GRIA4: variants seen among roughly 807,000 people sequenced by gnomAD.
GRIA4 encodes glutamate ionotropic receptor AMPA type subunit 4.
GRIA4 carries 34 observed loss-of-function variants against 104.0 expected under a neutral mutation model. That is an observed-to-expected ratio of 0.33 (90% CI 0.25 to 0.44). The LOEUF (loss-of-function observed/expected upper bound fraction) is 0.44, where lower values mean the gene tolerates loss of function less well. Ranked by LOEUF, GRIA4 falls within the 20% of genes least tolerant of loss-of-function variation. The pLI is 1.00. For synonymous variants in GRIA4, 386 were observed against 381.9 expected, an observed-to-expected ratio of 1.01 and a Z score of -0.13; for missense variants, 750 against 1,096.5, an observed-to-expected ratio of 0.68 and a Z score of 4.46.
chr11:105,724,219 T>C lies in GRIA4; in HGVS notation c.248-28762T>C, dbSNP rs140655843. ...CTTTTTTATATCATTATATAAATGA[T>C]ATGCACTAATAAGTTTATTGCAGTG... On this transcript the variant is annotated intron_variant, in intron 3 of 16. Coordinates refer to ENST00000282499, the MANE Select transcript of GRIA4 (RefSeq NM_000829.4). Among the ~76,000 whole-genome samples, 380 of 152,176 alleles carry C rather than the reference T, an allele frequency of 2.5e-3. 2 individuals carry two copies. Among genetic ancestry groups the C allele is most frequent in the African/African-American group, 8.4e-3 (349 of 41,554 alleles).
At chr11:105,695,268 G>A (rs1378894712) in intron 3 of GRIA4, among the ~76,000 whole-genome samples, 1 of 152,146 alleles carries the variant, frequency 6.6e-6, no homozygotes, top group South Asian at 2.1e-4. Context: ...GTGTTTGAGA[G>A]GTCCTATTAC....
At chr11:105,733,913 A>G (rs1938762700) in intron 3 of GRIA4, among the ~76,000 whole-genome samples, 1 of 151,178 alleles carries the variant, frequency 6.6e-6, no homozygotes, top group African/African-American at 2.4e-5. Flanking sequence ...TTACTTTACT[A>G]GCTTCACTGG....
At chr11:105,871,399 A>C (rs1370235155) in intron 5 of GRIA4, among the ~76,000 whole-genome samples, 1 of 151,774 alleles carries the variant, frequency 6.6e-6, no homozygotes, top group Admixed American at 6.6e-5. Flanking sequence ...CAAAAATTAC[A>C]TACCCACAGC....
intron 3 of GRIA4, among the ~76,000 whole-genome samples, chr11:105,646,370 A>C (rs1591494750): frequency 6.6e-6 from 1 of 152,116 alleles, no homozygotes; most frequent in East Asian, 1.9e-4. Context: ...AGAATGGAGG[A>C]TTGCTTGAGC....
At chr11:105,689,367 T>C (rs1382141992) in intron 3 of GRIA4, among the ~76,000 whole-genome samples, 1 of 152,224 alleles carries the variant, frequency 6.6e-6, no homozygotes, top group Admixed American at 6.5e-5. Flanking sequence ...TAAGGCTTTG[T>C]GCCTTAGTGA....
intron 3 of GRIA4, among the ~76,000 whole-genome samples, chr11:105,749,890 G>A (rs1939893987): frequency 6.6e-6 from 1 of 152,058 alleles, no homozygotes; most frequent in Non-Finnish European, 1.5e-5. Flanking sequence ...AAAATATAGA[G>A]CAATCTAATA....
intron 14 of GRIA4, among the ~76,000 whole-genome samples, chr11:105,963,828 T>A (rs1386006332): frequency 6.6e-6 from 1 of 152,148 alleles, no homozygotes; most frequent in African/African-American, 2.4e-5. Flanking sequence ...TGTGAAACTG[T>A]CTTTGGATAT....
chr11:105,822,362 T>A (rs1373240510), intron 4 of GRIA4, among the ~76,000 whole-genome samples: 1 of 152,042 alleles, frequency 6.6e-6, no homozygotes, highest in Non-Finnish European at 1.5e-5. Flanking sequence ...AACAGAATTA[T>A]GAGGGGGGAA....
intron 15 of GRIA4, 50 bp downstream of exon 15, chr11:105,972,078 C>T (rs775675032): frequency 2.4e-5 from 26 of 1,102,538 alleles, no homozygotes; most frequent in East Asian, 7.2e-5. Flanking sequence ...AAGCAGTAAA[C>T]GGGAGCAATT....
rs185963254 is a variant in GRIA4, at chr11:105,735,784, C to T, written c.248-17197C>T. ...CATATAGGCATAAAAAGCCATAATC[C>T]GGGAAAGTTGTTTTCTCCTTGGCAC... On this transcript the variant is annotated intron_variant, in intron 3 of 16. Transcript: ENST00000282499. 3.3e-5 allele frequency among the ~76,000 whole-genome samples: 5 copies of T among 152,184 alleles called. No homozygotes were observed. In the East Asian group the frequency reaches 5.8e-4, roughly 18 times the overall value.
At position 105,862,284 on chromosome 11, in the gene GRIA4, A is replaced by G. The variant is rs762213051; in HGVS notation, c.672+76A>G. 1.3e-4 allele frequency: 101 copies of G among 769,138 alleles called. 1 individual carries two copies. The highest frequency in any genetic ancestry group is 7.2e-5 in the Non-Finnish European group (33 of 460,506). 47.6% of individuals were successfully genotyped at this position (769,138 alleles called of 1,614,324 possible). A position where few individuals can be genotyped will look rare whatever the true frequency, so the allele number is the denominator to read the frequency against. On this transcript the variant is annotated intron_variant, in intron 5 of 16. Coordinates refer to ENST00000282499, the MANE Select transcript of GRIA4 (RefSeq NM_000829.4). ...AACCTTTGATTGACTTGTCCCCATC[A>G]ACATCTTCTCCCAGCTTTTAATTTG...
intron 3 of GRIA4, among the ~76,000 whole-genome samples, chr11:105,645,279 A>T (rs1372088674): frequency 3.3e-5 from 5 of 152,224 alleles, no homozygotes; most frequent in Non-Finnish European, 1.5e-5. Context: ...TACTTGTGCC[A>T]ACACTGAAGA....
intron 3 of GRIA4, among the ~76,000 whole-genome samples, chr11:105,704,370 T>C (rs568783657): frequency 8.5e-5 from 13 of 152,118 alleles, no homozygotes; most frequent in Admixed American, 2.0e-4. Context: ...GTTAAGTACA[T>C]GAGAGCATTA....
At chr11:105,797,318 A>G (rs1288070209) in intron 4 of GRIA4, among the ~76,000 whole-genome samples, 3 of 152,200 alleles carry the variant, frequency 2.0e-5, no homozygotes, top group Admixed American at 2.0e-4. Context: ...TAACAATACA[A>G]GGGTATGGAA....
intron 4 of GRIA4, among the ~76,000 whole-genome samples, chr11:105,831,426 C>T (rs1414852381): frequency 6.6e-6 from 1 of 151,972 alleles, no homozygotes; most frequent in African/African-American, 2.4e-5. Flanking sequence ...CATCTCATGA[C>T]ATCAGGAATA....
chr11:105,771,601 T>C (rs1053290454), intron 4 of GRIA4, among the ~76,000 whole-genome samples: 2 of 152,122 alleles, frequency 1.3e-5, no homozygotes, highest in Non-Finnish European at 2.9e-5. Context: ...AGTGTATATA[T>C]GTTCGCTTAT....
At chr11:105,643,658 AC>A (rs1238523526) in intron 3 of GRIA4, among the ~76,000 whole-genome samples, 1 of 152,116 alleles carries the variant, frequency 6.6e-6, no homozygotes, top group Admixed American at 6.6e-5. Flanking sequence ...GGTTCTTCTA[AC>A]AAAGTGTTAG....
chr11:105,803,773 C>T (rs1372783901), intron 4 of GRIA4, among the ~76,000 whole-genome samples: 1 of 147,848 alleles, frequency 6.8e-6, no homozygotes, highest in East Asian at 2.0e-4. Context: ...GAAAGGTGGC[C>T]GAGTTCTCAA....
At chr11:105,931,555 A>G (rs1947875402) in intron 13 of GRIA4, among the ~76,000 whole-genome samples, 1 of 151,866 alleles carries the variant, frequency 6.6e-6, no homozygotes, top group South Asian at 2.1e-4. Context: ...AAATACAAAA[A>G]TTAGCTGGGT....
Sources: gnomAD v4.1 joint callset for allele counts (sites outside exome capture counted in the v4.1 genomes callset) on GRCh38, gnomAD v4.1.1 for gene constraint, MANE v1.5 for transcripts, NCBI Gene and HGNC (gene_info 2026-07-23, HGNC 2026-07-21) for gene names.